The following CYP3A7 variants were observed in gnomAD, a reference collection of about 807,000 sequenced individuals.
The protein encoded by CYP3A7 is cytochrome P450 family 3 subfamily A member 7.
Under a neutral mutation model 55.2 loss-of-function variants are expected in CYP3A7, and 45 were observed. The observed-to-expected ratio is 0.82, with a 90% CI of 0.64 to 1.05. CYP3A7 has a LOEUF of 1.05. CYP3A7 is among the 50% of genes least tolerant of loss of function. CYP3A7 has a pLI of 0.00. For synonymous variants in CYP3A7, 180 were observed against 207.4 expected, an observed-to-expected ratio of 0.87 and a Z score of 1.13; for missense variants, 548 against 605.3, an observed-to-expected ratio of 0.91 and a Z score of 0.99.
chr7:99,730,254 A>G (rs1287304494), intron 2 of CYP3A7, among the ~76,000 whole-genome samples: 1 of 152,216 alleles, frequency 6.6e-6, no homozygotes, highest in Non-Finnish European at 1.5e-5. Flanking sequence ...TTGTCAAATC[A>G]TCCCCTTTCT....
chr7:99,714,617 T>G lies in CYP3A7; in HGVS notation c.736A>C (p.Ile246Leu), dbSNP rs115246825. The G allele has an allele frequency of 9.9e-6, 16 of 1,613,232 alleles. No homozygotes were observed. The highest frequency in any genetic ancestry group is 4.0e-5 in the African/African-American group (3 of 74,890). ...TTTACAGATTTTGTTAGAAAACTTA[T>G]AACTTTTCTTGGAAACACAGTGATA... ...LNITVFPRKV[I>L]SFLTKSVKQI... Residue 246 changes from isoleucine (I) to leucine (L), a missense_variant, in exon 8 of 13, where the codon ATA (isoleucine) becomes CTA (leucine). Coordinates refer to ENST00000336374, the MANE Select transcript of CYP3A7 (RefSeq NM_000765.5).
At chr7:99,722,458 T>A in intron 2 of CYP3A7, 110 bp from the exon 3 acceptor site, 1 of 1,355,076 alleles carries the variant, frequency 7.4e-7, no homozygotes, top group South Asian at 1.3e-5. Flanking sequence ...TTGCTGGCAG[T>A]TAGAGGAAGC....
In CYP3A7 at chr7:99,708,916, C is replaced by A. The variant is rs1436412045; in HGVS notation, c.1253+119G>T. On this transcript the variant is annotated intron_variant, in intron 11 of 12. Coordinates refer to ENST00000336374, the MANE Select transcript of CYP3A7 (RefSeq NM_000765.5). ...TGATCAATTTCATGATTTGAAAAAA[C>A]CTTTTAAACATAAAAAGACAAGCAA... is the stretch of plus-strand genomic sequence containing the variant. The A allele has an allele frequency of 3.3e-5, 40 of 1,208,376 alleles. 1 individual carries two copies. In the Admixed American group the frequency reaches 4.0e-4, roughly 12 times the overall value. 74.9% of individuals were successfully genotyped at this position (1,208,376 alleles called of 1,614,324 possible). A position where few individuals can be genotyped will look rare whatever the true frequency, so the allele number is the denominator to read the frequency against.
Position 99,710,738 on chromosome 7 carries a change from G to A in CYP3A7, c.1020C>T (p.Pro340=). ...KVQKEIDTVL[P]NKAPPTYDTV... ...CCATGTACTGTCCACTCACCTTATTGGGTAAAACTGTATCAATTTCCTTCT... is the reference window on the plus strand; with the variant it reads ...CCATGTACTGTCCACTCACCTTATTAGGTAAAACTGTATCAATTTCCTTCT... Residue 340 remains proline, a synonymous_variant, in exon 10 of 13, where the codon CCC becomes CCT. Coordinates refer to ENST00000336374, the MANE Select transcript of CYP3A7 (RefSeq NM_000765.5). 1 of 1,613,748 alleles carries A rather than the reference G, an allele frequency of 6.2e-7. No homozygotes were observed.
chr7:99,712,593 TAGAG>T (rs1472344995), intron 9 of CYP3A7, among the ~76,000 whole-genome samples: 3 of 152,154 alleles, frequency 2.0e-5, no homozygotes, highest in African/African-American at 4.8e-5. Context: ...TTGGGATAGA[TAGAG>T]AGATGATAGC....
chr7:99,716,796 T>C (rs936916363), intron 6 of CYP3A7, among the ~76,000 whole-genome samples: 2 of 152,180 alleles, frequency 1.3e-5, no homozygotes, highest in African/African-American at 2.4e-5. Flanking sequence ...CATTATAACT[T>C]TCCCACCCTA....
chr7:99,710,448 T>C (rs1813706364), intron 10 of CYP3A7, among the ~76,000 whole-genome samples: 2 of 152,300 alleles, frequency 1.3e-5, no homozygotes, highest in South Asian at 2.1e-4. Context: ...AATATGCATA[T>C]TGTTAAATGC....
intron 2 of CYP3A7, among the ~76,000 whole-genome samples, chr7:99,725,849 G>T (rs892267179): frequency 6.6e-6 from 1 of 152,090 alleles, no homozygotes. Flanking sequence ...CGATAGGGGG[G>T]ATACCCACTC....
intron 9 of CYP3A7, among the ~76,000 whole-genome samples, chr7:99,711,444 G>A (rs1157557051): frequency 6.6e-6 from 1 of 152,094 alleles, no homozygotes; most frequent in African/African-American, 2.4e-5. Context: ...TCAAAGTGTG[G>A]TCCGTGGATC....
rs1315253574 is a variant in CYP3A7 at position 99,735,163 on chromosome 7, G to A, written c.-70C>T. 1.3e-6 allele frequency: 2 copies of A among 1,595,006 alleles called. No homozygotes were observed. The highest frequency in any genetic ancestry group is 2.7e-5 in the African/African-American group (2 of 74,506). On this transcript the variant is annotated 5_prime_UTR_variant, in exon 1 of 13. Coordinates refer to ENST00000336374, the MANE Select transcript of CYP3A7 (RefSeq NM_000765.5). The stretch of plus-strand genomic sequence containing the variant: ...GCAGCGTGCTGCTGTTTGCTGGGCT[G>A]TGTGTGTGGAGCTTTCCTGCCCTGC...
In CYP3A7 at chr7:99,711,385, T is replaced by G. The variant is rs146550726; in HGVS notation, c.866-493A>C. 3.2e-3 allele frequency among the ~76,000 whole-genome samples: 486 copies of G among 152,334 alleles called. 1 individual carries two copies. Among genetic ancestry groups the G allele is most frequent in the African/African-American group, 0.011 (473 of 41,570 alleles). ...AAAGGACCTTTCCTTTAGATATGTT[T>G]GAGGGAACTTAAGAGACCAATATTG... On this transcript the variant is annotated intron_variant, in intron 9 of 12. Coordinates refer to ENST00000336374, the MANE Select transcript of CYP3A7 (RefSeq NM_000765.5).
intron 1 of CYP3A7, among the ~76,000 whole-genome samples, 160 bp from the exon 2 acceptor site, chr7:99,731,312 A>C (rs556297345): frequency 6.6e-6 from 1 of 152,340 alleles, no homozygotes; most frequent in South Asian, 2.1e-4. Context: ...ATATTTGTTC[A>C]TCAGGTCCTT....
chr7:99,723,102 A>C (rs73410641), intron 2 of CYP3A7, among the ~76,000 whole-genome samples: 6,577 of 152,226 alleles, frequency 0.043, 448 homozygotes, highest in African/African-American at 0.15. Context: ...AGGAATGTGT[A>C]TCTTGGGGGT....
At chr7:99,715,049 A>T (rs1027873068) in intron 7 of CYP3A7, among the ~76,000 whole-genome samples, 12 of 152,254 alleles carry the variant, frequency 7.9e-5, no homozygotes, top group African/African-American at 2.4e-4. Context: ...ATCAGATAGA[A>T]ATAACACAGT....
intron 2 of CYP3A7, 55 bp downstream of exon 2, chr7:99,731,004 C>T (rs1222959236): frequency 5.0e-6 from 8 of 1,601,972 alleles, no homozygotes; most frequent in Non-Finnish European, 6.0e-6. Context: ...ACTGATGGAA[C>T]TAAGTTGCTC....
At chr7:99,725,065 T>A (rs1814356598) in intron 2 of CYP3A7, among the ~76,000 whole-genome samples, 1 of 152,098 alleles carries the variant, frequency 6.6e-6, no homozygotes, top group Non-Finnish European at 1.5e-5. Context: ...CAGGTATAGC[T>A]AGGTGAGATT....
intron 6 of CYP3A7, 71 bp from the exon 7 acceptor site, chr7:99,715,977 G>T: frequency 6.2e-7 from 1 of 1,611,106 alleles, no homozygotes; most frequent in Non-Finnish European, 8.5e-7. Context: ...CGTGCAGCAG[G>T]AAATCCACAT....
At chr7:99,722,245 A>T in intron 3 of CYP3A7, 51 bp downstream of exon 3, 1 of 1,610,242 alleles carries the variant, frequency 6.2e-7, no homozygotes, top group African/African-American at 1.3e-5. Flanking sequence ...GCAGTGGGGT[A>T]AACTCATCAT....
chr7:99,709,759 A>G (rs1239271538), intron 10 of CYP3A7, among the ~76,000 whole-genome samples: 1 of 139,720 alleles, frequency 7.2e-6, no homozygotes. Flanking sequence ...ACAAAGCAGG[A>G]TTTGTATTAT....
Sources: gnomAD v4.1 joint callset for allele counts (sites outside exome capture counted in the v4.1 genomes callset) on GRCh38, gnomAD v4.1.1 for gene constraint, MANE v1.5 for transcripts, NCBI Gene and HGNC (gene_info 2026-07-23, HGNC 2026-07-21) for gene names.